SV2C: variants seen among roughly 807,000 people sequenced by gnomAD.
SV2C encodes synaptic vesicle glycoprotein 2C, also known as solute carrier family 22 member B3.
Under a neutral mutation model 79.7 loss-of-function variants are expected in SV2C, and 49 were observed. The observed-to-expected ratio is 0.61, with a 90% confidence interval of 0.49 to 0.78. The LOEUF (loss-of-function observed/expected upper bound fraction) is 0.78, where lower values mean the gene tolerates loss of function less well. Among genes scored for constraint, SV2C ranks in the 30% least tolerant of loss-of-function variants. The pLI, the probability that SV2C is intolerant of heterozygous loss-of-function variation, is 0.00. For missense variants in SV2C, 833 were observed against 912.9 expected (o/e 0.91, Z 1.13); for synonymous variants, 334 against 333.2 (o/e 1.00, Z -0.03).
At chr5:76,270,100 G>T (rs1434562039) in intron 4 of SV2C, among the ~76,000 whole-genome samples, 1 of 152,202 alleles carries the variant, frequency 6.6e-6, no homozygotes, top group Non-Finnish European at 1.5e-5. Context: ...AATGTCTCCT[G>T]CAGGGTCATA....
chr5:76,223,580 T>C (rs1745156529), intron 4 of SV2C, among the ~76,000 whole-genome samples: 1 of 150,498 alleles, frequency 6.6e-6, no homozygotes, highest in African/African-American at 2.4e-5. Context: ...TAAATCCTGA[T>C]TTGATACTTG....
intron 12 of SV2C, among the ~76,000 whole-genome samples, chr5:76,346,933 C>T (rs569874296): frequency 4.6e-5 from 7 of 152,294 alleles, no homozygotes; most frequent in South Asian, 2.1e-4. Context: ...CCTAGAAGGC[C>T]CTTCCACCGT....
At chr5:76,303,316 C>T (rs1176079906) in intron 12 of SV2C, among the ~76,000 whole-genome samples, 4 of 152,214 alleles carry the variant, frequency 2.6e-5, no homozygotes, top group Non-Finnish European at 5.9e-5. Flanking sequence ...GACTCTGCAG[C>T]TTCATTGAGC....
At chr5:76,281,678 G>A (rs1163168305) in intron 4 of SV2C, among the ~76,000 whole-genome samples, 1 of 152,114 alleles carries the variant, frequency 6.6e-6, no homozygotes, top group South Asian at 2.1e-4. Flanking sequence ...TGTCTTTCCA[G>A]CTTCTACCAG....
intron 12 of SV2C, among the ~76,000 whole-genome samples, chr5:76,304,916 G>A (rs1046813725): frequency 6.6e-6 from 1 of 152,166 alleles, no homozygotes; most frequent in Admixed American, 6.5e-5. Context: ...TAAGAAAAGA[G>A]GTTTAATTGG....
the SV2C span, among the ~76,000 whole-genome samples, chr5:76,061,296 A>AAT: frequency 6.8e-6 from 1 of 146,172 alleles, no homozygotes; most frequent in Non-Finnish European, 1.5e-5. Context: ...AAAAAAAAGC[A>AAT]ATATCTGAAA....
intron 4 of SV2C, among the ~76,000 whole-genome samples, chr5:76,226,373 G>A (rs1745240711): frequency 6.6e-6 from 1 of 152,106 alleles, no homozygotes; most frequent in African/African-American, 2.4e-5. Context: ...CCTCTATAGA[G>A]GATTAGCAGC....
At chr5:76,129,187 C>A (rs796551470) in intron 1 of SV2C, among the ~76,000 whole-genome samples, 9 of 152,276 alleles carry the variant, frequency 5.9e-5, no homozygotes, top group African/African-American at 2.2e-4. Context: ...GACCCCTGTA[C>A]CCTTCACCAG....
intron 2 of SV2C, among the ~76,000 whole-genome samples, chr5:76,159,688 T>G (rs1454415097): frequency 6.6e-6 from 1 of 152,132 alleles, no homozygotes; most frequent in East Asian, 1.9e-4. Context: ...TCATCCTTCG[T>G]GTCTCTCTTC....
chr5:75,937,059 A>T, the SV2C span, among the ~76,000 whole-genome samples: 9 of 99,922 alleles, frequency 9.0e-5, no homozygotes, highest in Non-Finnish European at 1.8e-4. Flanking sequence ...ACACTGGCAT[A>T]AAGAAATCTA....
the SV2C span, among the ~76,000 whole-genome samples, chr5:75,906,485 C>T: frequency 6.8e-6 from 1 of 146,086 alleles, no homozygotes; most frequent in Non-Finnish European, 1.5e-5. Flanking sequence ...TCATCTTATT[C>T]GGTTAGAATA....
At chr5:75,891,250 CAG>C in the SV2C span, among the ~76,000 whole-genome samples, 3 of 152,104 alleles carry the variant, frequency 2.0e-5, no homozygotes, top group African/African-American at 7.2e-5. Flanking sequence ...AGAGGGGAAA[CAG>C]AGAGATAACC....
At chr5:76,164,151 C>A (rs1054061061) in intron 2 of SV2C, among the ~76,000 whole-genome samples, 6 of 152,198 alleles carry the variant, frequency 3.9e-5, no homozygotes, top group Admixed American at 1.3e-4. Context: ...TCAACTACCT[C>A]CTTTCTTAAA....
the SV2C span, among the ~76,000 whole-genome samples, chr5:75,922,288 G>A: frequency 2.3e-4 from 35 of 152,164 alleles, no homozygotes; most frequent in Admixed American, 7.2e-4. Flanking sequence ...CTATCAAGCT[G>A]CTTAATTAAC....
At chr5:76,298,385 A>T (rs986732292) in intron 9 of SV2C, among the ~76,000 whole-genome samples, 3 of 152,206 alleles carry the variant, frequency 2.0e-5, no homozygotes, top group Non-Finnish European at 2.9e-5. Flanking sequence ...GTAGGAGGAC[A>T]TCCTTAAGTT....
chr5:76,277,808 A>G (rs1747068566), intron 4 of SV2C, among the ~76,000 whole-genome samples: 1 of 152,056 alleles, frequency 6.6e-6, no homozygotes, highest in African/African-American at 2.4e-5. Flanking sequence ...TTCCATTTAT[A>G]TGATATTCTA....
At chr5:76,323,482 T>TC (rs1223152847) in intron 12 of SV2C, among the ~76,000 whole-genome samples, 1 of 152,250 alleles carries the variant, frequency 6.6e-6, no homozygotes, top group Admixed American at 6.5e-5. Context: ...GTACAGCGAT[T>TC]CCTCAAGGAT....
intron 4 of SV2C, among the ~76,000 whole-genome samples, chr5:76,249,673 A>C (rs1746052960): frequency 6.6e-6 from 1 of 152,188 alleles, no homozygotes; most frequent in Non-Finnish European, 1.5e-5. Context: ...TAAGATGTCC[A>C]TTTGTACAGG....
At chr5:75,977,774 C>A in the SV2C span, among the ~76,000 whole-genome samples, 1 of 152,146 alleles carries the variant, frequency 6.6e-6, no homozygotes, top group South Asian at 2.1e-4. Context: ...TTAGCCATAG[C>A]CTATCCCTTC....
Sources: gnomAD v4.1 joint callset for allele counts (sites outside exome capture counted in the v4.1 genomes callset) on GRCh38, gnomAD v4.1.1 for gene constraint, MANE v1.5 for transcripts, NCBI Gene and HGNC (gene_info 2026-07-23, HGNC 2026-07-21) for gene names.